Variants in NUDCD1 observed in about 807,000 individuals in gnomAD.
NUDCD1 encodes nudC domain-containing protein 1.
Under a neutral mutation model 67.8 loss-of-function variants are expected in NUDCD1, and 60 were observed. The ratio of observed to expected loss-of-function variants is 0.88; its 90% CI spans 0.72 to 1.10. NUDCD1 has a LOEUF of 1.10. NUDCD1 is among the 50% of genes least tolerant of loss of function. The pLI is 0.00. For missense variants in NUDCD1, 643 were observed against 695.0 expected (o/e 0.93, Z 0.84); for synonymous variants, 244 against 230.8 (o/e 1.06, Z -0.52).
At chr8:109,275,613 G>T in intron 6 of NUDCD1, 117 bp from the exon 7 acceptor site, 1 of 925,176 alleles carries the variant, frequency 1.1e-6, no homozygotes, top group Non-Finnish European at 1.6e-6. Context: ...GTGTCCAGAG[G>T]ATGGTTTACC....
chr8:109,296,012 A>T (rs537989549), intron 3 of NUDCD1, among the ~76,000 whole-genome samples: 22 of 152,302 alleles, frequency 1.4e-4, no homozygotes, highest in Admixed American at 1.4e-3. Flanking sequence ...CAATGTAAAC[A>T]TCCCAGCAAA....
At chr8:109,273,695 C>T (rs889018638) in intron 7 of NUDCD1, among the ~76,000 whole-genome samples, 5 of 151,980 alleles carry the variant, frequency 3.3e-5, no homozygotes, top group African/African-American at 1.2e-4. Context: ...TCCAAAAAAG[C>T]AAACTCAAGG....
At chr8:109,264,939 TA>T (rs1044056634) in intron 8 of NUDCD1, among the ~76,000 whole-genome samples, 1 of 151,842 alleles carries the variant, frequency 6.6e-6, no homozygotes, top group African/African-American at 2.4e-5. Context: ...AATGAATATT[TA>T]AAAAAATTCT....
Position 109,319,911 on chromosome 8 carries a change from C to A in NUDCD1, c.273+2398G>T, listed in dbSNP as rs375209216. Among the ~76,000 whole-genome samples, 45 of 152,172 alleles carry A rather than the reference C, an allele frequency of 3.0e-4. No homozygotes were observed. In the East Asian group the frequency reaches 5.8e-3, roughly 20 times the overall value. Reference sequence around the variant, plus strand: ...GAGAGAAATTTTAAAGCCGGGCATCCGGGGGAGACATCACATGTCAGTAGG... The same window carrying A: ...GAGAGAAATTTTAAAGCCGGGCATCAGGGGGAGACATCACATGTCAGTAGG... On this transcript the variant is annotated intron_variant, in intron 2 of 9. Transcript: ENST00000239690.
At chr8:109,325,791 T>A (rs1815668798) in intron 1 of NUDCD1, among the ~76,000 whole-genome samples, 1 of 152,246 alleles carries the variant, frequency 6.6e-6, no homozygotes. Context: ...AAGTTCAGAT[T>A]TGAGTTTATA....
At chr8:109,333,715 T>C (rs1379285035) in intron 1 of NUDCD1, among the ~76,000 whole-genome samples, 178 bp downstream of exon 1, 1 of 151,696 alleles carries the variant, frequency 6.6e-6, no homozygotes, top group East Asian at 1.9e-4. Context: ...CGAAGGCGGC[T>C]CCCACCGGGT....
At chr8:109,256,913 T>G (rs919722447) in intron 8 of NUDCD1, among the ~76,000 whole-genome samples, 2 of 151,932 alleles carry the variant, frequency 1.3e-5, no homozygotes, top group African/African-American at 4.8e-5. Context: ...CTATTCCAAA[T>G]TACAGGAGAT....
chr8:109,278,169 C>G (rs562453725), intron 6 of NUDCD1, among the ~76,000 whole-genome samples: 7 of 152,276 alleles, frequency 4.6e-5, no homozygotes, highest in African/African-American at 1.4e-4. Context: ...TTTCTCATTT[C>G]TGACCAAATT....
At chr8:109,281,248 G>T in intron 5 of NUDCD1, 76 bp from the exon 6 acceptor site, 1 of 895,470 alleles carries the variant, frequency 1.1e-6, no homozygotes, top group Non-Finnish European at 1.8e-6. Context: ...CTATCTAAAA[G>T]AATTTTAGTA....
intron 2 of NUDCD1, among the ~76,000 whole-genome samples, chr8:109,304,645 G>A (rs1815062827): frequency 6.6e-6 from 1 of 152,088 alleles, no homozygotes; most frequent in Admixed American, 6.5e-5. Flanking sequence ...TCCTCTCTAC[G>A]TAAGGGTCCT....
chr8:109,259,856 T>C (rs1471638127), intron 8 of NUDCD1, among the ~76,000 whole-genome samples: 3 of 152,210 alleles, frequency 2.0e-5, no homozygotes, highest in East Asian at 3.8e-4. Flanking sequence ...ATTTACCTTA[T>C]TTAATAAGTT....
At chr8:109,325,652 G>C (rs1049504374) in intron 1 of NUDCD1, among the ~76,000 whole-genome samples, 1 of 152,182 alleles carries the variant, frequency 6.6e-6, no homozygotes, top group Admixed American at 6.5e-5. Flanking sequence ...GAGCAACAAG[G>C]GGACTTGTAC....
chr8:109,291,339 C>G (rs982447230), intron 4 of NUDCD1, among the ~76,000 whole-genome samples: 15 of 152,042 alleles, frequency 9.9e-5, no homozygotes, highest in Non-Finnish European at 7.4e-5. Context: ...GAGACGGTGG[C>G]TCACTATGTT....
chr8:109,284,122 G>A (rs2980611), intron 5 of NUDCD1, among the ~76,000 whole-genome samples: 96,628 of 151,874 alleles, frequency 0.64, 32,163 homozygotes, highest in African/African-American at 0.84. Flanking sequence ...ATGGAAAACA[G>A]AAAGCGCAGG....
At chr8:109,333,405 G>A (rs535684306) in intron 1 of NUDCD1, among the ~76,000 whole-genome samples, 2 of 152,270 alleles carry the variant, frequency 1.3e-5, no homozygotes, top group East Asian at 3.9e-4. Flanking sequence ...AATGTGCCAG[G>A]AACTGAGTAA....
At chr8:109,297,343 T>A (rs1486644526) in intron 2 of NUDCD1, among the ~76,000 whole-genome samples, 1 of 152,202 alleles carries the variant, frequency 6.6e-6, no homozygotes, top group Non-Finnish European at 1.5e-5. Context: ...TATGTACTTA[T>A]AATGTAAAGT....
At chr8:109,251,298 G>A (rs1420805301) in intron 8 of NUDCD1, among the ~76,000 whole-genome samples, 1 of 150,770 alleles carries the variant, frequency 6.6e-6, no homozygotes, top group Non-Finnish European at 1.5e-5. Flanking sequence ...TCAGTCTCTC[G>A]AGTAGCGGGG....
At chr8:109,250,128 A>T (rs1416234356) in intron 8 of NUDCD1, among the ~76,000 whole-genome samples, 4 of 152,138 alleles carry the variant, frequency 2.6e-5, no homozygotes, top group Non-Finnish European at 5.9e-5. Flanking sequence ...TACAGGTGTG[A>T]GCCACTGGTG....
At chr8:109,330,951 T>G (rs1457537603) in intron 1 of NUDCD1, among the ~76,000 whole-genome samples, 1 of 152,024 alleles carries the variant, frequency 6.6e-6, no homozygotes, top group Non-Finnish European at 1.5e-5. Context: ...GCTTAATACC[T>G]AGGTGATGGG....
Sources: allele counts gnomAD v4.1 joint callset (sites outside exome capture counted in the v4.1 genomes callset), GRCh38; gene constraint gnomAD v4.1.1; transcripts MANE v1.5; gene names NCBI Gene and HGNC (gene_info 2026-07-23, HGNC 2026-07-21).